TRPS1: variants seen among roughly 807,000 people sequenced by gnomAD.
The protein encoded by TRPS1 is transcriptional repressor GATA binding 1, also known as zinc finger transcription factor Trps1.
In TRPS1, 6 loss-of-function variants were observed where a neutral mutation model predicts 101.2. The observed-to-expected ratio is 0.06, with a 90% CI of 0.03 to 0.12. The LOEUF (loss-of-function observed/expected upper bound fraction) is 0.12, where lower values mean the gene tolerates loss of function less well. Ranked by LOEUF, TRPS1 falls within the 10% of genes least tolerant of loss-of-function variation. The pLI, the probability that TRPS1 is intolerant of heterozygous loss-of-function variation, is 1.00. For synonymous variants in TRPS1, 578 were observed against 589.8 expected, an observed-to-expected ratio of 0.98 and a Z score of 0.29; for missense variants, 1,363 against 1,567.0, an observed-to-expected ratio of 0.87 and a Z score of 2.20.
intron 3 of TRPS1, among the ~76,000 whole-genome samples, chr8:115,611,773 G>T (rs76546509): frequency 1.3e-5 from 2 of 152,168 alleles, no homozygotes; most frequent in African/African-American, 4.8e-5. Flanking sequence ...TTATCAAATC[G>T]TTAAATGGAA....
At chr8:115,532,055 C>T (rs959644494) in intron 5 of TRPS1, among the ~76,000 whole-genome samples, 3 of 152,004 alleles carry the variant, frequency 2.0e-5, no homozygotes, top group Admixed American at 1.3e-4. Context: ...CTGACACTCA[C>T]GATGTTGAGA....
rs1299876703 is a variant in TRPS1 at position 115,418,802 on chromosome 8, A to T, written c.2701-350T>A. Among the ~76,000 whole-genome samples the T allele has an allele frequency of 6.6e-6, 1 of 152,234 alleles. No individual in the cohort carries two copies. The highest frequency in any genetic ancestry group is 1.5e-5 in the Non-Finnish European group (1 of 68,042). ...TACGTCAAAAAGACAGAACATGGCA[A>T]TATGTTTAATACACTTTGGAAAGGA... On this transcript the variant is annotated intron_variant, in intron 5 of 6. Coordinates refer to ENST00000395715, the MANE Select transcript of TRPS1 (RefSeq NM_014112.5). The surrounding 1 kb of genome is among the most constrained non-coding windows in gnomAD (Gnocchi z 4.3).
chr8:115,641,493 G>A (rs1296852501), intron 1 of TRPS1, among the ~76,000 whole-genome samples: 1 of 152,060 alleles, frequency 6.6e-6, no homozygotes, highest in Non-Finnish European at 1.5e-5. Flanking sequence ...TTTCACCAGA[G>A]GCATACTGAA....
intron 5 of TRPS1, among the ~76,000 whole-genome samples, chr8:115,504,140 T>C (rs1175962959): frequency 6.6e-6 from 1 of 152,172 alleles, no homozygotes; most frequent in Non-Finnish European, 1.5e-5. Context: ...GTGCTTTGGC[T>C]TCAATTCCAC....
chr8:115,458,734 G>GCTA (rs1814091595), intron 5 of TRPS1, among the ~76,000 whole-genome samples: 1 of 152,192 alleles, frequency 6.6e-6, no homozygotes, highest in African/African-American at 2.4e-5. Flanking sequence ...AGCATGGCAG[G>GCTA]CTACTGTATT....
At chr8:115,624,003 G>T (rs1372188784) in intron 1 of TRPS1, among the ~76,000 whole-genome samples, 2 of 151,992 alleles carry the variant, frequency 1.3e-5, no homozygotes, top group Non-Finnish European at 2.9e-5. Context: ...TGATGTTGGT[G>T]AAATTATTTA....
Position 115,654,067 on chromosome 8 carries a change from A to C in TRPS1, c.-122+14478T>G, listed in dbSNP as rs182312456. On this transcript the variant is annotated intron_variant, in intron 1 of 6. Transcript: ENST00000395715. ...ACAATATAACTATTAGGTTTGAAAG[A>C]TAAGAAACAAGGGATTTAAGTAAAA... Among the ~76,000 whole-genome samples the C allele has an allele frequency of 2.6e-5, 4 of 152,362 alleles. No individual in the cohort carries two copies. The East Asian group carries it at 7.7e-4, about 29-fold the overall frequency.
chr8:115,635,107 G>A (rs1383042841), intron 1 of TRPS1, among the ~76,000 whole-genome samples: 1 of 152,178 alleles, frequency 6.6e-6, no homozygotes. Flanking sequence ...AGATAGCACT[G>A]TTCAAGAATA....
At chr8:115,459,289 A>C (rs190107389) in intron 5 of TRPS1, among the ~76,000 whole-genome samples, 1,863 of 152,136 alleles carry the variant, frequency 0.012, 19 homozygotes, top group Non-Finnish European at 0.018. Context: ...GCGCCACTGC[A>C]CTCCAGCCCA....
At chr8:115,447,830 G>A (rs1318329729) in intron 5 of TRPS1, among the ~76,000 whole-genome samples, 5 of 152,076 alleles carry the variant, frequency 3.3e-5, no homozygotes, top group Non-Finnish European at 7.4e-5. Context: ...TCACTGTACA[G>A]AGATCTAGGT....
chr8:115,485,782 T>C (rs534856309), intron 5 of TRPS1, among the ~76,000 whole-genome samples: 3 of 152,172 alleles, frequency 2.0e-5, no homozygotes, highest in Non-Finnish European at 2.9e-5. Context: ...AAAGAGATGA[T>C]ATAATTTGGG....
At chr8:115,519,237 C>T (rs1003255410) in intron 5 of TRPS1, among the ~76,000 whole-genome samples, 1 of 151,626 alleles carries the variant, frequency 6.6e-6, no homozygotes, top group East Asian at 1.9e-4. Context: ...TATAAAGGCA[C>T]GCATTGTGAA....
intron 1 of TRPS1, among the ~76,000 whole-genome samples, chr8:115,659,366 T>C (rs904191867): frequency 6.6e-5 from 10 of 151,938 alleles, no homozygotes; most frequent in Non-Finnish European, 1.3e-4. Flanking sequence ...TAAAGACAGC[T>C]TAACATATTC....
At chr8:115,463,484 T>C (rs1489513143) in intron 5 of TRPS1, among the ~76,000 whole-genome samples, 1 of 152,112 alleles carries the variant, frequency 6.6e-6, no homozygotes, top group Non-Finnish European at 1.5e-5. Context: ...TTCATGTAAA[T>C]ATACCTAACC....
chr8:115,476,719 T>A (rs185461407), intron 5 of TRPS1, among the ~76,000 whole-genome samples: 1 of 152,296 alleles, frequency 6.6e-6, no homozygotes, highest in Admixed American at 6.5e-5. Context: ...CCTCAATATT[T>A]GCACAAAATT....
At chr8:115,450,569 T>C (rs542488021) in intron 5 of TRPS1, among the ~76,000 whole-genome samples, 1 of 152,190 alleles carries the variant, frequency 6.6e-6, no homozygotes, top group African/African-American at 2.4e-5. Context: ...ACAGTCCACA[T>C]GGTTTTCTTT....
Position 115,410,012 on chromosome 8 carries a change from A to C in TRPS1, c.*4011T>G, listed in dbSNP as rs983362458. 1 of 151,994 alleles carries C rather than the reference A, an allele frequency of 6.6e-6. No homozygotes were observed. The highest frequency in any genetic ancestry group is 1.5e-5 in the Non-Finnish European group (1 of 67,902). The allele number at this position is 151,994 out of a possible 1,614,324, so 9.4% of individuals were successfully genotyped here. On this transcript the variant is annotated 3_prime_UTR_variant, in exon 7 of 7. Coordinates refer to ENST00000395715, the MANE Select transcript of TRPS1 (RefSeq NM_014112.5). ...GGCAAAAGGCTGGCATACAGCACAGAAGCAGACCACCAGCTTCTTTACTCC... is the reference window on the plus strand; with the variant it reads ...GGCAAAAGGCTGGCATACAGCACAGCAGCAGACCACCAGCTTCTTTACTCC...
chr8:115,559,574 C>G (rs1336696397), intron 5 of TRPS1, among the ~76,000 whole-genome samples: 2 of 152,064 alleles, frequency 1.3e-5, no homozygotes, highest in Non-Finnish European at 2.9e-5. Context: ...ACCCAGTACC[C>G]AGCATAAAGC....
Position 115,412,984 on chromosome 8 carries a change from C to T in TRPS1, c.*1039G>A, listed in dbSNP as rs1333067554. 6.6e-6 allele frequency: 1 copy of T among 152,462 alleles called. No homozygotes were observed. Among genetic ancestry groups the T allele is most frequent in the East Asian group, 1.9e-4 (1 of 5,188 alleles). The allele number at this position is 152,462 out of a possible 1,614,324, so 9.4% of individuals were successfully genotyped here. A position where few individuals can be genotyped will look rare whatever the true frequency, so the allele number is the denominator to read the frequency against. ...AACGTAACCTTAGACGCTGCCTGAC[C>T]ACAAAGTTTGGAAATTATATTTAAC... On this transcript the variant is annotated 3_prime_UTR_variant, in exon 7 of 7. Coordinates refer to ENST00000395715, the MANE Select transcript of TRPS1 (RefSeq NM_014112.5).
Sources: allele counts gnomAD v4.1 joint callset (sites outside exome capture counted in the v4.1 genomes callset), GRCh38; gene constraint gnomAD v4.1.1; non-coding constraint Gnocchi (gnomAD v3.1); transcripts MANE v1.5; gene names NCBI Gene and HGNC (gene_info 2026-07-23, HGNC 2026-07-21).